Variants in SH3RF2 observed in about 807,000 individuals in gnomAD.
SH3RF2 encodes the protein E3 ubiquitin-protein ligase SH3RF2.
In SH3RF2, 43 loss-of-function variants were observed where a neutral mutation model predicts 59.0. That is an observed-to-expected ratio of 0.73 (90% confidence interval 0.57 to 0.94). The LOEUF is 0.94. SH3RF2 is among the 40% of genes least tolerant of loss of function. The pLI, the probability that SH3RF2 is intolerant of heterozygous loss-of-function variation, is 0.00. For synonymous variants in SH3RF2, 391 were observed against 391.5 expected, an observed-to-expected ratio of 1.00 and a Z score of 0.01; for missense variants, 930 against 940.1, an observed-to-expected ratio of 0.99 and a Z score of 0.14.
At chr5:146,048,089 G>C (rs1298896148) in intron 6 of SH3RF2, among the ~76,000 whole-genome samples, 1 of 152,142 alleles carries the variant, frequency 6.6e-6, no homozygotes, top group Non-Finnish European at 1.5e-5. Flanking sequence ...GAGGCAGGAG[G>C]ATTGCTTGAA....
At chr5:146,031,942 T>G (rs1163745714) in intron 5 of SH3RF2, among the ~76,000 whole-genome samples, 1 of 152,160 alleles carries the variant, frequency 6.6e-6, no homozygotes, top group Non-Finnish European at 1.5e-5. Flanking sequence ...CTCACAATGA[T>G]GCATGCTCCA....
downstream of SH3RF2, among the ~76,000 whole-genome samples, chr5:146,063,928 G>C (rs1762984246): frequency 6.6e-6 from 1 of 152,110 alleles, no homozygotes; most frequent in African/African-American, 2.4e-5. Context: ...TTGGGGTTAG[G>C]ATCTATATTT....
intron 4 of SH3RF2, among the ~76,000 whole-genome samples, chr5:146,007,668 T>G (rs1760705021): frequency 6.6e-6 from 1 of 152,202 alleles, no homozygotes; most frequent in South Asian, 2.1e-4. Context: ...CTTCTCCATT[T>G]AATGATTATT....
chr5:145,953,267 T>C (rs1309490873), intron 2 of SH3RF2, among the ~76,000 whole-genome samples: 1 of 152,064 alleles, frequency 6.6e-6, no homozygotes, highest in East Asian at 1.9e-4. Flanking sequence ...AAAAGACCTC[T>C]CTAAGGGAGG....
chr5:146,031,901 G>A (rs900230705), intron 5 of SH3RF2, among the ~76,000 whole-genome samples: 4 of 152,054 alleles, frequency 2.6e-5, no homozygotes, highest in African/African-American at 9.7e-5. Context: ...ATGTGCCCCA[G>A]GTATATAAGA....
rs892987705 is a variant in SH3RF2, at chr5:145,987,900, T to C, written c.379-12158T>C. ...TAAGTATTCTACATTGTTTATCACA[T>C]TAATCGTCTCCAAAACCATGAGGAA... On this transcript the variant is annotated intron_variant, in intron 2 of 9. Coordinates refer to ENST00000359120, the MANE Select transcript of SH3RF2 (RefSeq NM_152550.4). Among the ~76,000 whole-genome samples the C allele has an allele frequency of 6.6e-5, 10 of 152,328 alleles. 1 individual carries two copies. In the East Asian group the frequency reaches 1.5e-3, roughly 23 times the overall value.
intron 5 of SH3RF2, among the ~76,000 whole-genome samples, chr5:146,020,624 T>C (rs185789477): frequency 3.1e-4 from 47 of 152,316 alleles, no homozygotes; most frequent in Admixed American, 2.7e-3. Context: ...TGTTGTAACA[T>C]ATATATTAGA....
At chr5:145,949,151 A>G (rs1758100499) in intron 2 of SH3RF2, among the ~76,000 whole-genome samples, 1 of 152,140 alleles carries the variant, frequency 6.6e-6, no homozygotes, top group Non-Finnish European at 1.5e-5. Context: ...CAGGTGTGTT[A>G]GGAATGACAC....
intron 7 of SH3RF2, chr5:146,055,753 C>T (rs944673874): frequency 1.7e-5 from 10 of 573,672 alleles, no homozygotes; most frequent in African/African-American, 3.8e-5. Context: ...TGATATGAGC[C>T]CCCCTTCCTT....
At chr5:145,964,389 C>G (rs770649005) in intron 2 of SH3RF2, among the ~76,000 whole-genome samples, 3 of 150,778 alleles carry the variant, frequency 2.0e-5, no homozygotes, top group Non-Finnish European at 3.0e-5. Flanking sequence ...TCGCTGCAAC[C>G]TCCACCTCCT....
chr5:146,042,965 C>T (rs1762179282), intron 5 of SH3RF2: 1 of 152,274 alleles, frequency 6.6e-6, no homozygotes, highest in Non-Finnish European at 1.5e-5. Context: ...TCACAAACTC[C>T]TTGTGGCACA....
intron 5 of SH3RF2, among the ~76,000 whole-genome samples, chr5:146,014,948 A>C (rs1761047784): frequency 6.6e-6 from 1 of 152,168 alleles, no homozygotes; most frequent in South Asian, 2.1e-4. Flanking sequence ...GTATGAGGCA[A>C]AGTAATTAAG....
At position 146,047,808 on chromosome 5, in the gene SH3RF2, C is replaced by T; in HGVS notation, c.1096C>T (p.His366Tyr). 6.2e-7 allele frequency: 1 copy of T among 1,614,138 alleles called. No individual in the cohort carries two copies. Among genetic ancestry groups the T allele is most frequent in the Non-Finnish European group, 8.5e-7 (1 of 1,180,034 alleles). The change falls in exon 6 of 10, where the codon CAT becomes TAT. Residue 366 changes from histidine (H) to tyrosine (Y), a missense_variant. By Grantham distance (83) the His-to-Tyr change is moderately conservative. Transcript: ENST00000359120. ...TCACCCCGCACCTGTCTCTCCAGGACATTCCACAGCCGTGGTCAGTCTGCC... is the reference window on the plus strand; with the variant it reads ...TCACCCCGCACCTGTCTCTCCAGGATATTCCACAGCCGTGGTCAGTCTGCC... ...TYHPAPVSPG[H>Y]STAVVSLPGS...
At chr5:146,044,132 C>G (rs905531684) in intron 5 of SH3RF2, among the ~76,000 whole-genome samples, 1 of 151,150 alleles carries the variant, frequency 6.6e-6, no homozygotes, top group Non-Finnish European at 1.5e-5. Context: ...ATGATTGGTC[C>G]GTTTTTGTTT....
chr5:145,959,793 T>G (rs1020398398), intron 2 of SH3RF2, among the ~76,000 whole-genome samples: 2 of 152,038 alleles, frequency 1.3e-5, no homozygotes, highest in Non-Finnish European at 2.9e-5. Context: ...AATGACTAAG[T>G]GTGACTTCCA....
intron 5 of SH3RF2, among the ~76,000 whole-genome samples, chr5:146,019,762 A>G (rs1040941490): frequency 6.6e-6 from 1 of 151,998 alleles, no homozygotes. Flanking sequence ...TGTTTGTGTC[A>G]TTTATTATTT....
chr5:146,023,295 G>A (rs2906821), intron 5 of SH3RF2, among the ~76,000 whole-genome samples: 11 of 151,832 alleles, frequency 7.2e-5, no homozygotes, highest in Middle Eastern at 3.4e-3. Flanking sequence ...TGCGACCTCC[G>A]CCTCCCAGGT....
At chr5:146,080,947 T>TCC (rs1763415228) in exon 10 of SH3RF2, 1 of 152,244 alleles carries the variant, frequency 6.6e-6, no homozygotes, top group African/African-American at 2.4e-5. Flanking sequence ...TACAGGTGCG[T>TCC]GCCACCTTGC....
chr5:146,010,356 C>T (rs1006478842), intron 4 of SH3RF2, among the ~76,000 whole-genome samples: 3 of 152,108 alleles, frequency 2.0e-5, no homozygotes, highest in Admixed American at 6.5e-5. Context: ...CATGTGTCTT[C>T]ATAGCAGCAT....
Sources: gnomAD v4.1 joint callset for allele counts (sites outside exome capture counted in the v4.1 genomes callset) on GRCh38, gnomAD v4.1.1 for gene constraint, MANE v1.5 for transcripts, NCBI Gene and HGNC (gene_info 2026-07-23, HGNC 2026-07-21) for gene names.